TRMT11: variants seen among roughly 807,000 people sequenced by gnomAD.
The protein encoded by TRMT11 is tRNA (guanine(10)-N(2))-methyltransferase TRMT11.
A neutral mutation model predicts 62.8 loss-of-function variants in TRMT11; 53 were observed. The ratio of observed to expected loss-of-function variants is 0.84; its 90% CI spans 0.68 to 1.06. The LOEUF is 1.06. Ranked by LOEUF, TRMT11 falls within the 50% of genes least tolerant of loss-of-function variation. The probability of loss-of-function intolerance (pLI) is 0.00; values close to 1 mark genes in which losing one functional copy is unlikely to be tolerated. For missense variants in TRMT11, 556 were observed against 553.4 expected, an observed-to-expected ratio of 1.00 and a Z score of -0.05; for synonymous variants, 188 against 190.3, an observed-to-expected ratio of 0.99 and a Z score of 0.10.
chr6:126,145,661 C>T (rs752346338), intron 21 of TRMT11, among the ~76,000 whole-genome samples: 19 of 152,134 alleles, frequency 1.2e-4, no homozygotes, highest in Non-Finnish European at 2.4e-4. Context: ...GCACCCTAGT[C>T]GTTTTCAGCA....
chr6:126,166,527 C>A (rs1778267832), intron 21 of TRMT11, among the ~76,000 whole-genome samples: 1 of 152,140 alleles, frequency 6.6e-6, no homozygotes, highest in South Asian at 2.1e-4. Context: ...AGAGGGGCAC[C>A]CACCAGATGC....
chr6:126,012,262 AT>A (rs201229553), intron 9 of TRMT11, among the ~76,000 whole-genome samples: 10 of 149,928 alleles, frequency 6.7e-5, no homozygotes, highest in Middle Eastern at 3.2e-3. Flanking sequence ...TATAAAATAC[AT>A]TTTTTTTTTC....
At chr6:126,169,524 C>T (rs1343374508) in intron 21 of TRMT11, among the ~76,000 whole-genome samples, 3 of 152,126 alleles carry the variant, frequency 2.0e-5, no homozygotes, top group Admixed American at 2.0e-4. Context: ...AAGATGATTC[C>T]TCTTGGTTTT....
chr6:126,216,812 T>C, the TRMT11 span, among the ~76,000 whole-genome samples: 1 of 152,178 alleles, frequency 6.6e-6, no homozygotes, highest in Non-Finnish European at 1.5e-5. Flanking sequence ...TCTGTTCTTA[T>C]CCCTCTCAAT....
intron 17 of TRMT11, among the ~76,000 whole-genome samples, chr6:126,095,880 A>T (rs1214616248): frequency 6.6e-6 from 1 of 152,184 alleles, no homozygotes; most frequent in Non-Finnish European, 1.5e-5. Context: ...TCTAAGGCAT[A>T]GAGGCATGAG....
At chr6:126,000,797 C>T (rs1792339558) in intron 7 of TRMT11, among the ~76,000 whole-genome samples, 1 of 152,100 alleles carries the variant, frequency 6.6e-6, no homozygotes, top group Non-Finnish European at 1.5e-5. Flanking sequence ...CTGCCAGTTT[C>T]TCCATATCAC....
chr6:126,069,126 T>C (rs972916616), intron 17 of TRMT11, among the ~76,000 whole-genome samples: 4 of 152,242 alleles, frequency 2.6e-5, no homozygotes, highest in Admixed American at 1.3e-4. Context: ...GCTCAGTAAA[T>C]AACTGACCTC....
intron 12 of TRMT11, 118 bp downstream of exon 12, chr6:126,021,398 G>T (rs1795789531): frequency 8.0e-7 from 1 of 1,253,300 alleles, no homozygotes; most frequent in Non-Finnish European, 1.1e-6. Context: ...AAAAATTACA[G>T]ATCAATTTAG....
At chr6:126,243,320 C>T in the TRMT11 span, among the ~76,000 whole-genome samples, 1 of 152,144 alleles carries the variant, frequency 6.6e-6, no homozygotes, top group African/African-American at 2.4e-5. Flanking sequence ...AATAGGAACA[C>T]TTTTACACTG....
chr6:126,155,499 C>T (rs192663558), intron 21 of TRMT11, among the ~76,000 whole-genome samples: 5 of 152,204 alleles, frequency 3.3e-5, no homozygotes, highest in East Asian at 1.9e-4. Flanking sequence ...CAATAGTCCC[C>T]GCAAATCTTA....
chr6:126,090,925 C>A (rs1480743503), intron 17 of TRMT11, among the ~76,000 whole-genome samples: 1 of 152,006 alleles, frequency 6.6e-6, no homozygotes. Context: ...TTAAATTTAG[C>A]CTAGGCCGGG....
At position 126,138,538 on chromosome 6, in the gene TRMT11, A is replaced by G. The variant is rs548431014; in HGVS notation, c.*1823+22683A>G. Among the ~76,000 whole-genome samples the G allele has an allele frequency of 4.6e-5, 7 of 152,112 alleles. No homozygotes were observed. In the South Asian group the frequency reaches 1.5e-3, roughly 32 times the overall value. On this transcript the variant is annotated intron_variant and NMD_transcript_variant, in intron 21 of 22. Coordinates refer to the TRMT11 transcript ENST00000648977. ...ACACACTGTGGCTATACCTGAGGTA[A>G]GGTGTTCTGGTGTTGATAAATGAAT...
downstream of TRMT11, among the ~76,000 whole-genome samples, chr6:126,203,026 T>C (rs548219583): frequency 3.3e-5 from 5 of 152,208 alleles, no homozygotes; most frequent in African/African-American, 1.2e-4. Flanking sequence ...CAGCAAAGTA[T>C]GAATTTCTGA....
intron 1 of TRMT11, among the ~76,000 whole-genome samples, chr6:126,185,229 TAG>T (rs1377025155): frequency 6.6e-6 from 1 of 152,176 alleles, no homozygotes; most frequent in Non-Finnish European, 1.5e-5. Flanking sequence ...AAGTGAAGGA[TAG>T]AGTCAGTAGG....
In TRMT11 at chr6:126,068,374, C is replaced by T. The variant is rs114447406; in HGVS notation, c.*1437+15184C>T. On this transcript the variant is annotated intron_variant and NMD_transcript_variant, in intron 17 of 22. Transcript: ENST00000648977. ...TCTCTTGACTCAGGTCGTGAAGTTA[C>T]ATATAATCTCCTATGTTATCTTCTA... 7.8e-3 allele frequency among the ~76,000 whole-genome samples: 1,190 copies of T among 152,186 alleles called. 19 individuals are homozygous for T. The highest frequency in any genetic ancestry group is 0.027 in the African/African-American group (1,131 of 41,518).
chr6:126,097,823 G>T (rs1035204254), intron 17 of TRMT11, among the ~76,000 whole-genome samples: 4 of 152,002 alleles, frequency 2.6e-5, no homozygotes, highest in Non-Finnish European at 5.9e-5. Context: ...TGGGGCAGGG[G>T]CTGGGGTTGT....
Position 126,038,972 on chromosome 6 carries a change from A to G in TRMT11, c.*136A>G, listed in dbSNP as rs1775727492. 5.7e-6 allele frequency: 4 copies of G among 707,356 alleles called. No homozygotes were observed. Among genetic ancestry groups the G allele is most frequent in the South Asian group, 2.4e-5 (1 of 41,978 alleles). 43.8% of individuals were successfully genotyped at this position (707,356 alleles called of 1,614,324 possible). A position where few individuals can be genotyped will look rare whatever the true frequency, so the allele number is the denominator to read the frequency against. ...TATAGAAAAGCTACAAAGTAAATTG[A>G]GCAATGCTTTTAAAGTTATCTTTGT... is the stretch of plus-strand genomic sequence containing the variant. On this transcript the variant is annotated 3_prime_UTR_variant, in exon 13 of 13. Coordinates refer to ENST00000334379, the MANE Select transcript of TRMT11 (RefSeq NM_001031712.3).
chr6:126,243,481 C>G, the TRMT11 span, among the ~76,000 whole-genome samples: 158 of 152,282 alleles, frequency 1.0e-3, 1 homozygote, highest in African/African-American at 3.5e-3. Flanking sequence ...AAGACACATG[C>G]ACACGTATGT....
intron 21 of TRMT11, among the ~76,000 whole-genome samples, chr6:126,156,448 G>A (rs1462451824): frequency 6.6e-6 from 1 of 152,222 alleles, no homozygotes; most frequent in African/African-American, 2.4e-5. Context: ...GGTGGGAGCT[G>A]TCAAGCCTCC....
Sources: gnomAD v4.1 joint callset for allele counts (sites outside exome capture counted in the v4.1 genomes callset) on GRCh38, gnomAD v4.1.1 for gene constraint, MANE v1.5 for transcripts, NCBI Gene and HGNC (gene_info 2026-07-23, HGNC 2026-07-21) for gene names.